The following TRIM14 variants were observed in gnomAD, a reference collection of about 807,000 sequenced individuals.
The protein encoded by TRIM14 is tripartite motif containing 14.
In TRIM14, 28 loss-of-function variants were observed where a neutral mutation model predicts 44.5. The observed-to-expected ratio is 0.63, with a 90% CI of 0.47 to 0.86. TRIM14 has a LOEUF of 0.86. Among genes scored for constraint, TRIM14 ranks in the 40% least tolerant of loss-of-function variants. The pLI, the probability that TRIM14 is intolerant of heterozygous loss-of-function variation, is 0.00. For missense variants in TRIM14, 607 were observed against 611.1 expected, an observed-to-expected ratio of 0.99 and a Z score of 0.07; for synonymous variants, 299 against 269.2, an observed-to-expected ratio of 1.11 and a Z score of -1.08.
chr9:98,105,331 G>A (rs1342337604), intron 2 of TRIM14, among the ~76,000 whole-genome samples: 1 of 152,216 alleles, frequency 6.6e-6, no homozygotes, highest in African/African-American at 2.4e-5. Context: ...CAGAGGGGCT[G>A]AGCCCCGCCG....
chr9:98,044,391 T>G, the TRIM14 span, among the ~76,000 whole-genome samples: 1 of 113,036 alleles, frequency 8.8e-6, no homozygotes, highest in Admixed American at 8.7e-5. Flanking sequence ...TTTTTTTTTT[T>G]TGAGAAAGAG....
intron 4 of TRIM14, among the ~76,000 whole-genome samples, chr9:98,092,774 G>A (rs972249175): frequency 1.3e-5 from 2 of 152,178 alleles, no homozygotes; most frequent in African/African-American, 4.8e-5. Context: ...GGCGAACGCC[G>A]AGCTGTAACC....
At chr9:98,092,912 G>C (rs972261168) in intron 4 of TRIM14, among the ~76,000 whole-genome samples, 1 of 152,136 alleles carries the variant, frequency 6.6e-6, no homozygotes, top group Non-Finnish European at 1.5e-5. Context: ...AGGGCTGCCG[G>C]ATTCATGAAT....
chr9:98,095,202 C>T lies in TRIM14; in HGVS notation c.538-173G>A, dbSNP rs543695246. On this transcript the variant is annotated intron_variant, in intron 3 of 5. Transcript: ENST00000341469. This position sits in a 1 kb window ranked among gnomAD's most constrained non-coding sequence, Gnocchi z 4.1. ...GGAGCAGAGCCCTGGAGAGACCATA[C>T]GGCATCCCTGAGGTGGGAGCCATGC... Among the ~76,000 whole-genome samples, 13 of 152,372 alleles carry T rather than the reference C, an allele frequency of 8.5e-5. No individual in the cohort carries two copies. The highest frequency in any genetic ancestry group is 1.9e-4 in the African/African-American group (8 of 41,584).
At chr9:98,070,266 T>G (rs138376947) in intron 6 of TRIM14, among the ~76,000 whole-genome samples, 1 of 151,976 alleles carries the variant, frequency 6.6e-6, no homozygotes. Flanking sequence ...TACAGGTGTA[T>G]GCCACCATGC....
At chr9:98,109,445 A>G (rs73655192) in intron 2 of TRIM14, among the ~76,000 whole-genome samples, 3,199 of 152,348 alleles carry the variant, frequency 0.021, 110 homozygotes, top group African/African-American at 0.073. Flanking sequence ...CTCAAACATC[A>G]TTATGAAAGG....
chr9:98,109,971 T>C lies in TRIM14; in HGVS notation c.221A>G (p.Glu74Gly). 6.2e-7 allele frequency: 1 copy of C among 1,614,052 alleles called. No individual in the cohort carries two copies. Among genetic ancestry groups the C allele is most frequent in the Non-Finnish European group, 8.5e-7 (1 of 1,179,982 alleles). ...AAVHVQKLSQ[E>G]CLKQLAIKKQ... Reference sequence around the variant, plus strand: ...CTTGATTGCCAGCTGCTTTAAACATTCTTGGCTGAGTTTCTGTACAGGAGG... The same window carrying C: ...CTTGATTGCCAGCTGCTTTAAACATCCTTGGCTGAGTTTCTGTACAGGAGG... Residue 74 changes from glutamate (E) to glycine (G), a missense_variant, in exon 2 of 6, where the codon GAA becomes GGA. Glu to Gly is a moderately conservative substitution (Grantham distance 98). Around this residue, in one of 3 missense-constraint regions of TRIM14, gnomAD observed 246 missense variants for 270.8 expected, o/e 0.91. Transcript: ENST00000341469.
intron 6 of TRIM14, chr9:98,075,812 G>A (rs950147733): frequency 6.6e-6 from 1 of 152,132 alleles, no homozygotes; most frequent in African/African-American, 2.4e-5. Context: ...ATTACATTAT[G>A]TGCAGTTTTT....
In TRIM14 at chr9:98,084,983, A is replaced by G. The variant is rs1284800996; in HGVS notation, c.*2487T>C. 6.6e-6 allele frequency: 1 copy of G among 152,176 alleles called. No individual in the cohort carries two copies. The highest frequency in any genetic ancestry group is 1.5e-5 in the Non-Finnish European group (1 of 68,048). 9.4% of individuals were successfully genotyped at this position (152,176 alleles called of 1,614,324 possible). ...GACTAGCCCTGGTCACACAATTGAT[A>G]TGGACTGAAACTGCCGCTTTCTGGC... On this transcript the variant is annotated 3_prime_UTR_variant, in exon 6 of 6. Coordinates refer to ENST00000341469, the MANE Select transcript of TRIM14 (RefSeq NM_014788.4).
chr9:98,103,295 T>C (rs569936220), intron 2 of TRIM14, among the ~76,000 whole-genome samples: 3 of 151,126 alleles, frequency 2.0e-5, no homozygotes, highest in East Asian at 3.9e-4. Flanking sequence ...TGCAGAATAA[T>C]ATAAGCAAGA....
intron 2 of TRIM14, among the ~76,000 whole-genome samples, chr9:98,101,766 C>T (rs920031288): frequency 6.6e-6 from 1 of 152,204 alleles, no homozygotes; most frequent in Middle Eastern, 3.4e-3. Flanking sequence ...ATTCCTCTTA[C>T]TTTACTTATA....
At position 98,086,365 on chromosome 9, in the gene TRIM14, A is replaced by C. The variant is rs1221442122; in HGVS notation, c.*1105T>G. ...CAGCTCTGCTTTCTTTCAGGACCTC[A>C]GACTCCCCAGATGAGATCTGGCTGG... On this transcript the variant is annotated 3_prime_UTR_variant, in exon 6 of 6. Coordinates refer to ENST00000341469, the MANE Select transcript of TRIM14 (RefSeq NM_014788.4). The C allele has an allele frequency of 1.3e-5, 2 of 152,200 alleles. No individual in the cohort carries two copies. Among genetic ancestry groups the C allele is most frequent in the African/African-American group, 4.8e-5 (2 of 41,408 alleles). The allele number at this position is 152,200 out of a possible 1,614,324, so 9.4% of individuals were successfully genotyped here.
the TRIM14 span, among the ~76,000 whole-genome samples, chr9:98,044,826 C>T: frequency 6.6e-6 from 1 of 152,094 alleles, no homozygotes; most frequent in Non-Finnish European, 1.5e-5. Context: ...TAGAATGCGC[C>T]TCTGAGCTCA....
chr9:98,082,974 G>C (rs531117798), downstream of TRIM14: 1 of 1,614,218 alleles, frequency 6.2e-7, no homozygotes, highest in South Asian at 1.1e-5. Flanking sequence ...TAGTGGGCAA[G>C]AAGGTCCTGG....
At chr9:98,080,595 GC>G (rs1164148641), downstream of TRIM14, among the ~76,000 whole-genome samples, 1 of 152,188 alleles carries the variant, frequency 6.6e-6, no homozygotes, top group African/African-American at 2.4e-5. Context: ...CATTTTTAGA[GC>G]ATTTACAATG....
At chr9:98,044,311 G>A in the TRIM14 span, among the ~76,000 whole-genome samples, 1 of 150,834 alleles carries the variant, frequency 6.6e-6, no homozygotes, top group Non-Finnish European at 1.5e-5. Context: ...ACACTCCCAT[G>A]TGGCCCCCGG....
At chr9:98,055,961 A>G in the TRIM14 span, among the ~76,000 whole-genome samples, 4 of 151,972 alleles carry the variant, frequency 2.6e-5, no homozygotes, top group Non-Finnish European at 5.9e-5. Flanking sequence ...GCTGGTCTCG[A>G]ACTCCTGACC....
intron 4 of TRIM14, 130 bp downstream of exon 4, chr9:98,094,737 C>T (rs1826119028): frequency 1.8e-6 from 2 of 1,088,142 alleles, no homozygotes; most frequent in Non-Finnish European, 1.3e-6. Flanking sequence ...GGCCCAGGAG[C>T]CCCTGACCGC....
intron 6 of TRIM14, chr9:98,076,860 C>A: frequency 7.2e-7 from 1 of 1,389,886 alleles, no homozygotes; most frequent in Non-Finnish European, 1.0e-6. Context: ...CCTTGCCTGT[C>A]ATAACAACAG....
Sources: gnomAD v4.1 joint callset for allele counts (sites outside exome capture counted in the v4.1 genomes callset) on GRCh38, gnomAD v4.1.1 for gene constraint, gnomAD v4.1.1 regional missense constraint, Gnocchi (gnomAD v3.1) non-coding constraint, MANE v1.5 for transcripts, NCBI Gene and HGNC (gene_info 2026-07-23, HGNC 2026-07-21) for gene names.